NTN4: variants seen among roughly 807,000 people sequenced by gnomAD.
NTN4 encodes netrin-4.
NTN4 carries 32 observed loss-of-function variants against 73.6 expected under a neutral mutation model. The observed-to-expected ratio is 0.44, with a 90% confidence interval of 0.33 to 0.58. The LOEUF is 0.58. Among genes scored for constraint, NTN4 ranks in the 20% least tolerant of loss-of-function variants. The probability of loss-of-function intolerance (pLI) is 0.04; values close to 1 mark genes in which losing one functional copy is unlikely to be tolerated. For missense variants in NTN4, 654 were observed against 798.3 expected, an observed-to-expected ratio of 0.82 and a Z score of 2.18; for synonymous variants, 258 against 287.5, an observed-to-expected ratio of 0.90 and a Z score of 1.04.
At chr12:95,697,189 A>AG (rs1221767352) in intron 5 of NTN4, among the ~76,000 whole-genome samples, 1 of 152,072 alleles carries the variant, frequency 6.6e-6, no homozygotes, top group African/African-American at 2.4e-5. Flanking sequence ...CAAAAAAAAA[A>AG]AAAAAGTTAT....
At chr12:95,771,053 G>C (rs1272014086) in intron 2 of NTN4, among the ~76,000 whole-genome samples, 2 of 147,330 alleles carry the variant, frequency 1.4e-5, no homozygotes, top group East Asian at 3.9e-4. Flanking sequence ...GCAGTGGCGC[G>C]ATCTCGGCTC....
chr12:95,728,205 C>T (rs181626312), intron 3 of NTN4, among the ~76,000 whole-genome samples: 11 of 152,194 alleles, frequency 7.2e-5, no homozygotes, highest in African/African-American at 2.6e-4. Flanking sequence ...TAAGAGTTTT[C>T]TATAATCTAA....
chr12:95,760,465 A>G (rs947667356), intron 2 of NTN4, among the ~76,000 whole-genome samples: 33 of 152,136 alleles, frequency 2.2e-4, no homozygotes, highest in Non-Finnish European at 5.9e-5. Context: ...TATTCTACCC[A>G]ACAAATTCTA....
intron 2 of NTN4, among the ~76,000 whole-genome samples, chr12:95,745,183 G>C (rs2078853556): frequency 6.6e-6 from 1 of 151,938 alleles, no homozygotes; most frequent in African/African-American, 2.4e-5. Flanking sequence ...TGGATCCATG[G>C]ATTTATAGTT....
intron 3 of NTN4, among the ~76,000 whole-genome samples, chr12:95,716,693 A>C (rs1398902029): frequency 2.0e-5 from 3 of 152,268 alleles, no homozygotes; most frequent in Admixed American, 6.5e-5. Context: ...TATTTTCTGA[A>C]AATATTCAGA....
rs576479364 is a variant in NTN4 at position 95,790,314 on chromosome 12, G to T, written c.-5C>A. The T allele has an allele frequency of 3.7e-4, 568 of 1,527,988 alleles. No homozygotes were observed. The African/African-American group carries it at 6.7e-3, about 18-fold the overall frequency. The allele number at this position is 1,527,988 out of a possible 1,614,324, so 94.7% of individuals were successfully genotyped here. On this transcript the variant is annotated 5_prime_UTR_variant, in exon 1 of 10. Coordinates refer to ENST00000343702, the MANE Select transcript of NTN4 (RefSeq NM_021229.4). This position sits in a 1 kb window ranked among gnomAD's most constrained non-coding sequence, Gnocchi z 6.5. The stretch of plus-strand genomic sequence containing the variant: ...CAGCCGCGCGCAGCTCCCCATGGCC[G>T]GGAGGAGCCGGGAGCAGCCGGGCCG...
intron 8 of NTN4, among the ~76,000 whole-genome samples, chr12:95,666,386 C>A (rs1274193547): frequency 6.6e-6 from 1 of 151,802 alleles, no homozygotes; most frequent in Non-Finnish European, 1.5e-5. Flanking sequence ...ATCCATGTAA[C>A]CAAAAACCAC....
intron 2 of NTN4, among the ~76,000 whole-genome samples, chr12:95,752,462 T>C (rs368531659): frequency 0.021 from 2,982 of 143,994 alleles, 39 homozygotes; most frequent in South Asian, 0.08. Context: ...AGCCTCTCTT[T>C]GCTTTCACTT....
chr12:95,729,192 G>T (rs10777722), intron 3 of NTN4, among the ~76,000 whole-genome samples: 123,155 of 151,552 alleles, frequency 0.81, 50,156 homozygotes, highest in South Asian at 0.86. Flanking sequence ...CTTGTATGAA[G>T]TGCATAATGT....
intron 2 of NTN4, among the ~76,000 whole-genome samples, chr12:95,774,175 C>CT (rs546496727): frequency 0.32 from 32,539 of 100,968 alleles, 4,268 homozygotes; most frequent in African/African-American, 0.48. Flanking sequence ...GTTTTTCTCT[C>CT]TTTTTTTTTT....
intron 9 of NTN4, 67 bp downstream of exon 9, chr12:95,665,743 G>A (rs1050958706): frequency 2.1e-5 from 27 of 1,260,384 alleles, no homozygotes; most frequent in Non-Finnish European, 2.9e-5. Context: ...TGCTTCAGAG[G>A]ATGTAAGACA....
chr12:95,769,092 G>T (rs2079038664), intron 2 of NTN4, among the ~76,000 whole-genome samples: 1 of 152,198 alleles, frequency 6.6e-6, no homozygotes, highest in African/African-American at 2.4e-5. Context: ...AAAGAGAGCG[G>T]AAGGGAAGAA....
chr12:95,684,176 T>C (rs2078341838), intron 5 of NTN4, among the ~76,000 whole-genome samples: 1 of 152,144 alleles, frequency 6.6e-6, no homozygotes, highest in Non-Finnish European at 1.5e-5. Context: ...CAAAAGCTGA[T>C]GGTGTTCTTC....
At chr12:95,763,466 C>G (rs1309539171) in intron 2 of NTN4, among the ~76,000 whole-genome samples, 1 of 152,202 alleles carries the variant, frequency 6.6e-6, no homozygotes, top group South Asian at 2.1e-4. Flanking sequence ...CTATACAAAA[C>G]AAGTCTACTT....
chr12:95,747,754 A>G (rs546943463), intron 2 of NTN4, among the ~76,000 whole-genome samples: 2 of 152,292 alleles, frequency 1.3e-5, no homozygotes, highest in Admixed American at 6.5e-5. Context: ...TGATTTTCCA[A>G]TATAAAAATA....
chr12:95,688,579 T>C (rs1298979493), intron 5 of NTN4, among the ~76,000 whole-genome samples: 2 of 151,928 alleles, frequency 1.3e-5, no homozygotes, highest in Admixed American at 1.3e-4. Flanking sequence ...AGGAGAAAAG[T>C]TGGGGTCATA....
chr12:95,786,619 C>T (rs899872419), intron 2 of NTN4, among the ~76,000 whole-genome samples: 1 of 152,128 alleles, frequency 6.6e-6, no homozygotes, highest in Non-Finnish European at 1.5e-5. Flanking sequence ...AACTCTTCCC[C>T]CTTCAGAAGC....
chr12:95,748,230 CAAAAAAAAAA>C, intron 2 of NTN4, among the ~76,000 whole-genome samples: 1 of 76,560 alleles, frequency 1.3e-5, no homozygotes, highest in South Asian at 5.1e-4. Flanking sequence ...GACTCTGTCT[CAAAAAAAAAA>C]AAAAAAAAGA....
intron 7 of NTN4, chr12:95,674,062 C>CA (rs1405297366): frequency 6.6e-6 from 1 of 151,956 alleles, no homozygotes; most frequent in Non-Finnish European, 1.5e-5. Flanking sequence ...GCATTGGTGG[C>CA]ACTGAGGTGG....
Sources: gnomAD v4.1 joint callset for allele counts (sites outside exome capture counted in the v4.1 genomes callset) on GRCh38, gnomAD v4.1.1 for gene constraint, Gnocchi (gnomAD v3.1) non-coding constraint, MANE v1.5 for transcripts, NCBI Gene and HGNC (gene_info 2026-07-23, HGNC 2026-07-21) for gene names.